KIAA0825: variants seen among roughly 807,000 people sequenced by gnomAD.
The protein encoded by KIAA0825 is uncharacterized protein KIAA0825.
KIAA0825 carries 119 observed loss-of-function variants against 147.6 expected under a neutral mutation model. The observed-to-expected ratio is 0.81, with a 90% CI of 0.69 to 0.94. The LOEUF (loss-of-function observed/expected upper bound fraction) is 0.94, where lower values mean the gene tolerates loss of function less well. KIAA0825 is among the 40% of genes least tolerant of loss of function. The pLI is 0.00. For missense variants in KIAA0825, 1,381 were observed against 1,472.7 expected (o/e 0.94, Z 1.02); for synonymous variants, 470 against 518.1 (o/e 0.91, Z 1.26).
At chr5:94,368,467 C>G (rs1746189608) in intron 20 of KIAA0825, among the ~76,000 whole-genome samples, 1 of 152,130 alleles carries the variant, frequency 6.6e-6, no homozygotes, top group Non-Finnish European at 1.5e-5. Context: ...AGCCACCACC[C>G]CTGACCAGTT....
In KIAA0825 at chr5:94,473,215, G is replaced by T. The variant is rs1761439108; in HGVS notation, c.1455+77C>A. 2.7e-6 allele frequency: 3 copies of T among 1,116,972 alleles called. No homozygotes were observed. The South Asian group carries it at 4.5e-5, about 17-fold the overall frequency. The allele number at this position is 1,116,972 out of a possible 1,614,324, so 69.2% of individuals were successfully genotyped here. A position where few individuals can be genotyped will look rare whatever the true frequency, so the allele number is the denominator to read the frequency against. ...AGGGACTCCACCATTTGATCTACAG[G>T]TCCTTTTTGCAATGCCTTATACTAA... On this transcript the variant is annotated intron_variant, in intron 8 of 20. Coordinates refer to ENST00000682413, the MANE Select transcript of KIAA0825 (RefSeq NM_001145678.3).
At chr5:94,456,816 T>C (rs1267124160) in intron 12 of KIAA0825, among the ~76,000 whole-genome samples, 1 of 152,208 alleles carries the variant, frequency 6.6e-6, no homozygotes, top group Non-Finnish European at 1.5e-5. Flanking sequence ...AAAAAGTCTA[T>C]GGCCATTTCA....
At chr5:94,323,306 T>G (rs1400682398) in intron 20 of KIAA0825, among the ~76,000 whole-genome samples, 6 of 151,936 alleles carry the variant, frequency 3.9e-5, no homozygotes, top group Non-Finnish European at 5.9e-5. Flanking sequence ...ATGAGGCTAG[T>G]GAAGATTCAA....
intron 20 of KIAA0825, among the ~76,000 whole-genome samples, chr5:94,259,521 G>A (rs1422186272): frequency 1.3e-5 from 2 of 151,968 alleles, no homozygotes; most frequent in Non-Finnish European, 2.9e-5. Context: ...ATGCTTGCCT[G>A]TGCTCTCCTT....
intron 3 of KIAA0825, among the ~76,000 whole-genome samples, chr5:94,533,018 G>A (rs553979489): frequency 1.4e-4 from 20 of 146,144 alleles, no homozygotes; most frequent in African/African-American, 5.1e-4. Flanking sequence ...TCGCTCTGTC[G>A]CCCAGGCTGG....
intron 14 of KIAA0825, among the ~76,000 whole-genome samples, chr5:94,436,554 T>C (rs1756398880): frequency 6.6e-6 from 1 of 152,190 alleles, no homozygotes; most frequent in Admixed American, 6.6e-5. Flanking sequence ...TCTGGTAGCA[T>C]GATGCCTCCA....
At chr5:94,189,441 T>G (rs1770460946) in intron 20 of KIAA0825, among the ~76,000 whole-genome samples, 1 of 152,196 alleles carries the variant, frequency 6.6e-6, no homozygotes, top group Non-Finnish European at 1.5e-5. Context: ...AAGTTAATCT[T>G]TGTGAAAAGC....
intron 6 of KIAA0825, among the ~76,000 whole-genome samples, chr5:94,484,228 C>G (rs192133132): frequency 6.6e-6 from 1 of 151,814 alleles, no homozygotes; most frequent in East Asian, 1.9e-4. Context: ...TTATGATATA[C>G]TAGACATTTT....
chr5:94,364,413 G>C (rs999537982), intron 20 of KIAA0825, among the ~76,000 whole-genome samples: 1 of 151,388 alleles, frequency 6.6e-6, no homozygotes, highest in African/African-American at 2.4e-5. Context: ...ATGGAGTCTT[G>C]CTCTGTCGCC....
intron 20 of KIAA0825, among the ~76,000 whole-genome samples, chr5:94,222,952 G>A (rs918067026): frequency 2.0e-5 from 3 of 151,904 alleles, no homozygotes; most frequent in African/African-American, 7.3e-5. Flanking sequence ...TGTATGTGTG[G>A]CAAGAGCATC....
chr5:94,249,445 C>T (rs911776138), intron 20 of KIAA0825, among the ~76,000 whole-genome samples: 1 of 151,990 alleles, frequency 6.6e-6, no homozygotes, highest in Admixed American at 6.6e-5. Context: ...TTTGCAAGAC[C>T]AATGTGAGGC....
chr5:94,453,785 TA>T (rs1333475857), intron 12 of KIAA0825, among the ~76,000 whole-genome samples: 1 of 152,098 alleles, frequency 6.6e-6, no homozygotes, highest in African/African-American at 2.4e-5. Flanking sequence ...TTCCCATGAG[TA>T]GTATTTTTAT....
intron 20 of KIAA0825, among the ~76,000 whole-genome samples, chr5:94,337,341 A>G (rs1359525490): frequency 6.6e-6 from 1 of 152,178 alleles, no homozygotes; most frequent in Non-Finnish European, 1.5e-5. Flanking sequence ...TAATTTGTCC[A>G]TTCAGATCTT....
chr5:94,432,901 C>T (rs1253647596), intron 14 of KIAA0825, among the ~76,000 whole-genome samples: 3 of 152,130 alleles, frequency 2.0e-5, no homozygotes, highest in Non-Finnish European at 2.9e-5. Context: ...CAGGAAAATA[C>T]ACACACATAC....
chr5:94,384,243 C>A (rs1748835001), intron 20 of KIAA0825, 125 bp downstream of exon 20: 1 of 653,184 alleles, frequency 1.5e-6, no homozygotes, highest in South Asian at 2.1e-5. Flanking sequence ...GATTCCCCTG[C>A]TGATAAAATG....
intron 20 of KIAA0825, among the ~76,000 whole-genome samples, chr5:94,196,674 A>G (rs1171321946): frequency 6.6e-6 from 1 of 152,100 alleles, no homozygotes; most frequent in Non-Finnish European, 1.5e-5. Context: ...TTGTTTCCAC[A>G]TGTATTCAAT....
At chr5:94,413,390 A>T (rs1454379300) in intron 15 of KIAA0825, 1 of 152,218 alleles carries the variant, frequency 6.6e-6, no homozygotes, top group African/African-American at 2.4e-5. Flanking sequence ...ACTAGAAATA[A>T]TCAAAATGTC....
intron 1 of KIAA0825, among the ~76,000 whole-genome samples, chr5:94,608,834 C>A (rs1788152840): frequency 6.6e-6 from 1 of 151,736 alleles, no homozygotes; most frequent in African/African-American, 2.4e-5. Context: ...CTACAAGAGT[C>A]TCCTGATGAG....
intron 9 of KIAA0825, 119 bp downstream of exon 9, chr5:94,471,347 C>A: frequency 1.8e-6 from 2 of 1,088,732 alleles, no homozygotes; most frequent in South Asian, 1.7e-5. Context: ...AAATAATTCA[C>A]CTTGTTAATT....
Sources: gnomAD v4.1 joint callset for allele counts (sites outside exome capture counted in the v4.1 genomes callset) on GRCh38, gnomAD v4.1.1 for gene constraint, MANE v1.5 for transcripts, NCBI Gene and HGNC (gene_info 2026-07-23, HGNC 2026-07-21) for gene names.